The following CLPX variants were observed in gnomAD, a reference collection of about 807,000 sequenced individuals.
CLPX encodes the protein ATP-dependent clpX-like chaperone, mitochondrial.
CLPX carries 34 observed loss-of-function variants against 76.4 expected under a neutral mutation model. That is an observed-to-expected ratio of 0.45 (90% CI 0.34 to 0.59). The LOEUF is 0.59. CLPX is among the 20% of genes least tolerant of loss of function. CLPX has a pLI of 0.01. For synonymous variants in CLPX, 248 were observed against 270.9 expected, an observed-to-expected ratio of 0.92 and a Z score of 0.83; for missense variants, 613 against 757.0, an observed-to-expected ratio of 0.81 and a Z score of 2.23.
intron 6 of CLPX, among the ~76,000 whole-genome samples, chr15:65,160,619 T>TCACACACA (rs1241366233): frequency 1.5e-5 from 2 of 132,652 alleles, no homozygotes; most frequent in Admixed American, 8.0e-5. Context: ...TCTCTCTCTC[T>TCACACACA]CTCTCACACA....
chr15:65,155,116 G>C, intron 10 of CLPX, 35 bp from the exon 11 acceptor site: 1 of 1,544,780 alleles, frequency 6.5e-7, no homozygotes, highest in East Asian at 2.3e-5. Context: ...ATAATTAGTA[G>C]AATCAAATGA....
rs2087682671 is a variant in CLPX at position 65,148,706 on chromosome 15, G to C, written c.*2117C>G. The C allele has an allele frequency of 1.3e-5, 2 of 151,000 alleles. No individual in the cohort carries two copies. The allele number at this position is 151,000 out of a possible 1,614,324, so 9.4% of individuals were successfully genotyped here. ...TTAGTTTTTCCCTAAAAAAAACTGTGTAAAAGGAAAGCTCGAGTCTATAAA... is the reference window on the plus strand; with the variant it reads ...TTAGTTTTTCCCTAAAAAAAACTGTCTAAAAGGAAAGCTCGAGTCTATAAA... On this transcript the variant is annotated 3_prime_UTR_variant, in exon 14 of 14. Transcript: ENST00000300107.
chr15:65,177,274 G>A (rs912838935), intron 3 of CLPX, among the ~76,000 whole-genome samples: 3 of 152,048 alleles, frequency 2.0e-5, no homozygotes, highest in African/African-American at 2.4e-5. Flanking sequence ...TCACCATATT[G>A]AGCAGGCTGG....
At chr15:65,160,189 T>C (rs1030090428) in intron 6 of CLPX, among the ~76,000 whole-genome samples, 3 of 152,218 alleles carry the variant, frequency 2.0e-5, no homozygotes, top group Non-Finnish European at 2.9e-5. Context: ...GATAGAATAA[T>C]AGTTTGGCAG....
rs759765346 is a variant in CLPX at position 65,148,611 on chromosome 15, A to C, written c.*2212T>G. On this transcript the variant is annotated 3_prime_UTR_variant, in exon 14 of 14. Transcript: ENST00000300107. Reference sequence around the variant, plus strand: ...TCCTACCCAGCCATAAATACCATACATCCCTTTTATTAATTATATCAAAGA... The same window carrying C: ...TCCTACCCAGCCATAAATACCATACCTCCCTTTTATTAATTATATCAAAGA... The C allele has an allele frequency of 2.6e-5, 4 of 152,126 alleles. No individual in the cohort carries two copies. Among genetic ancestry groups the C allele is most frequent in the Admixed American group, 6.6e-5 (1 of 15,264 alleles). The allele number at this position is 152,126 out of a possible 1,614,324, so 9.4% of individuals were successfully genotyped here. A position where few individuals can be genotyped will look rare whatever the true frequency, so the allele number is the denominator to read the frequency against.
At chr15:65,170,783 T>G (rs2087991231) in intron 3 of CLPX, among the ~76,000 whole-genome samples, 1 of 150,066 alleles carries the variant, frequency 6.7e-6, no homozygotes, top group Non-Finnish European at 1.5e-5. Flanking sequence ...ACAAAACCAC[T>G]TCATTATCAA....
chr15:65,184,991 T>C lies in CLPX; in HGVS notation c.79+84A>G, dbSNP rs572468073. On this transcript the variant is annotated intron_variant, in intron 1 of 13. Transcript: ENST00000300107. ...CACTCCCCGGGTGCAGCAGGCCTCG[T>C]GCCCTCCCCGGGGCCCCCAACCATT... 1.2e-4 allele frequency: 139 copies of C among 1,185,850 alleles called. No homozygotes were observed. The South Asian group carries it at 1.8e-3, about 15-fold the overall frequency. 73.5% of individuals were successfully genotyped at this position (1,185,850 alleles called of 1,614,324 possible).
intron 3 of CLPX, among the ~76,000 whole-genome samples, chr15:65,178,519 T>A (rs1041517457): frequency 1.3e-5 from 2 of 152,162 alleles, no homozygotes; most frequent in Admixed American, 6.5e-5. Flanking sequence ...CATACATTTA[T>A]CTATTTCATA....
intron 3 of CLPX, among the ~76,000 whole-genome samples, chr15:65,176,285 G>A (rs2088090787): frequency 6.6e-6 from 1 of 152,118 alleles, no homozygotes; most frequent in African/African-American, 2.4e-5. Context: ...AATACAACCT[G>A]GCAAGTTTTG....
chr15:65,178,333 A>T (rs2088116016), intron 3 of CLPX, among the ~76,000 whole-genome samples: 1 of 152,222 alleles, frequency 6.6e-6, no homozygotes, highest in Admixed American at 6.5e-5. Context: ...ACAAAATCTA[A>T]TTTGAAATAA....
chr15:65,168,748 TA>T (rs906730191), intron 3 of CLPX, among the ~76,000 whole-genome samples: 3 of 147,362 alleles, frequency 2.0e-5, no homozygotes, highest in South Asian at 2.2e-4. Context: ...AAAGTATAAT[TA>T]AAAAAAAAAC....
chr15:65,170,998 C>T lies in CLPX; in HGVS notation c.359-4213G>A, dbSNP rs1159927829. 3.3e-5 allele frequency among the ~76,000 whole-genome samples: 5 copies of T among 151,248 alleles called. No individual in the cohort carries two copies. The East Asian group carries it at 1.0e-3, about 31-fold the overall frequency. On this transcript the variant is annotated intron_variant, in intron 3 of 13. Transcript: ENST00000300107. ...CCACCACACCCAGCTCATTTTTGTA[C>T]TTTTAGTAGAGATGGGGTTTCACCA...
In CLPX at chr15:65,149,548, T is replaced by C. The variant is rs1431660025; in HGVS notation, c.*1275A>G. 4.4e-6 allele frequency: 2 copies of C among 451,038 alleles called. No individual in the cohort carries two copies. Among genetic ancestry groups the C allele is most frequent in the South Asian group, 3.1e-5 (2 of 63,868 alleles). The allele number at this position is 451,038 out of a possible 1,614,324, so 27.9% of individuals were successfully genotyped here. On this transcript the variant is annotated 3_prime_UTR_variant, in exon 14 of 14. Coordinates refer to ENST00000300107, the MANE Select transcript of CLPX (RefSeq NM_006660.5). ...GACTTCAATTCCATGTACTCACCCATAGTACTAAAATGGATTAAAGATGGT... is the reference window on the plus strand; with the variant it reads ...GACTTCAATTCCATGTACTCACCCACAGTACTAAAATGGATTAAAGATGGT...
chr15:65,161,918 C>T lies in CLPX; in HGVS notation c.715+686G>A, dbSNP rs553698742. On this transcript the variant is annotated intron_variant, in intron 6 of 13. Coordinates refer to ENST00000300107, the MANE Select transcript of CLPX (RefSeq NM_006660.5). ...ACAAGTTATATTCTCATGGCTCATCCTATATATAGTACACTTCAAATAGTG... is the reference window on the plus strand; with the variant it reads ...ACAAGTTATATTCTCATGGCTCATCTTATATATAGTACACTTCAAATAGTG... 7.2e-5 allele frequency among the ~76,000 whole-genome samples: 11 copies of T among 152,220 alleles called. No homozygotes were observed. The South Asian group carries it at 2.3e-3, about 32-fold the overall frequency.
intron 8 of CLPX, 120 bp from the exon 9 acceptor site, chr15:65,157,052 C>T (rs1273398682): frequency 1.6e-6 from 1 of 607,764 alleles, no homozygotes; most frequent in Non-Finnish European, 2.9e-6. Context: ...CTTAACATAT[C>T]CAATAGCTTG....
intron 6 of CLPX, among the ~76,000 whole-genome samples, chr15:65,161,164 A>AT (rs2087852062): frequency 6.6e-6 from 1 of 152,192 alleles, no homozygotes; most frequent in Non-Finnish European, 1.5e-5. Flanking sequence ...CTAGTGTTTA[A>AT]TTATTCACAC....
chr15:65,166,483 A>ATTTT, intron 4 of CLPX, 148 bp downstream of exon 4: 1 of 807,612 alleles, frequency 1.2e-6, no homozygotes, highest in Admixed American at 2.8e-5. Flanking sequence ...CCAAAAGGCA[A>ATTTT]TAACAATTTA....
chr15:65,155,861 A>G lies in CLPX; in HGVS notation c.1147-5T>C, dbSNP rs751422227. On this transcript the variant is annotated splice_region_variant and splice_polypyrimidine_tract_variant and intron_variant, in intron 9 of 13. Transcript: ENST00000300107. ...TTCTAGTAGTTTTAATAAGCCCTAA[A>G]TAAAGAACAAATGATTTATAGCATC... 6.2e-7 allele frequency: 1 copy of G among 1,607,060 alleles called. No homozygotes were observed. The highest frequency in any genetic ancestry group is 8.5e-7 in the Non-Finnish European group (1 of 1,174,642).
chr15:65,160,623 T>TCTCACACA (rs1219208926), intron 6 of CLPX, among the ~76,000 whole-genome samples: 225 of 101,008 alleles, frequency 2.2e-3, no homozygotes, highest in African/African-American at 7.9e-3. Flanking sequence ...TCTCTCTCTC[T>TCTCACACA]CACACACACA....
Sources: allele counts gnomAD v4.1 joint callset (sites outside exome capture counted in the v4.1 genomes callset), GRCh38; gene constraint gnomAD v4.1.1; transcripts MANE v1.5; gene names NCBI Gene and HGNC (gene_info 2026-07-23, HGNC 2026-07-21).